Variants in PCDH15 observed in about 807,000 individuals in gnomAD.
PCDH15 encodes the protein protocadherin related 15, also known as protocadherin-15.
PCDH15 carries 129 observed loss-of-function variants against 178.5 expected under a neutral mutation model. The observed-to-expected ratio is 0.72, with a 90% CI of 0.63 to 0.84. PCDH15 has a LOEUF of 0.84. Among genes scored for constraint, PCDH15 ranks in the 40% least tolerant of loss-of-function variants. PCDH15 has a pLI of 0.00. For missense variants in PCDH15, 2,230 were observed against 2,099.9 expected, an observed-to-expected ratio of 1.06 and a Z score of -1.21; for synonymous variants, 800 against 732.0, an observed-to-expected ratio of 1.09 and a Z score of -1.50.
At chr10:54,336,604 G>A (rs568186265) in intron 6 of PCDH15, among the ~76,000 whole-genome samples, 2 of 152,344 alleles carry the variant, frequency 1.3e-5, no homozygotes, top group African/African-American at 4.8e-5. Flanking sequence ...GTCCGCAGAA[G>A]TCAAGAACTG....
intron 3 of PCDH15, among the ~76,000 whole-genome samples, chr10:54,837,173 A>C (rs996454712): frequency 1.2e-4 from 19 of 152,166 alleles, no homozygotes; most frequent in Non-Finnish European, 2.4e-4. Context: ...AAAGTTTTTC[A>C]AAGTTAGAAT....
At position 53,806,453 on chromosome 10, in the gene PCDH15, A is replaced by G; in HGVS notation, c.*126T>C. 1 of 807,648 alleles carries G rather than the reference A, an allele frequency of 1.2e-6. No homozygotes were observed. 50.0% of individuals were successfully genotyped at this position (807,648 alleles called of 1,614,324 possible). A position where few individuals can be genotyped will look rare whatever the true frequency, so the allele number is the denominator to read the frequency against. On this transcript the variant is annotated 3_prime_UTR_variant, in exon 38 of 38. Transcript: ENST00000644397. ...TCTGTCTCTTAAAATTTTAAAGCATATTGTTCAAAGTTTTAGCTTGTGTGC... is the reference window on the plus strand; with the variant it reads ...TCTGTCTCTTAAAATTTTAAAGCATGTTGTTCAAAGTTTTAGCTTGTGTGC...
intron 11 of PCDH15, among the ~76,000 whole-genome samples, chr10:54,191,338 C>T (rs923528547): frequency 2.0e-5 from 3 of 152,072 alleles, no homozygotes; most frequent in African/African-American, 4.8e-5. Context: ...GAAAGATTCT[C>T]GAATGAAGGA....
intron 1 of PCDH15, among the ~76,000 whole-genome samples, chr10:54,761,913 T>C (rs1170349082): frequency 1.3e-5 from 2 of 152,096 alleles, no homozygotes; most frequent in African/African-American, 2.4e-5. Context: ...GGAATAGATA[T>C]TAGTAAAAGT....
intron 25 of PCDH15, among the ~76,000 whole-genome samples, chr10:53,919,008 C>G (rs1002061836): frequency 1.3e-5 from 2 of 152,084 alleles, no homozygotes; most frequent in Admixed American, 6.5e-5. Flanking sequence ...TTTCATCAGT[C>G]GAATCTAGCA....
At chr10:53,880,611 A>G (rs370884667) in intron 26 of PCDH15, among the ~76,000 whole-genome samples, 1 of 148,418 alleles carries the variant, frequency 6.7e-6, no homozygotes, top group African/African-American at 2.5e-5. Context: ...TTTTAAAAAA[A>G]CCTTTCTTAT....
chr10:55,455,363 A>G (rs1378731609), intron 2 of PCDH15, among the ~76,000 whole-genome samples: 3 of 152,184 alleles, frequency 2.0e-5, no homozygotes, highest in African/African-American at 7.2e-5. Context: ...TGTTCACACT[A>G]TATTTATCCT....
chr10:54,263,846 G>A (rs1029084299), intron 8 of PCDH15, among the ~76,000 whole-genome samples: 1 of 152,178 alleles, frequency 6.6e-6, no homozygotes, highest in Non-Finnish European at 1.5e-5. Context: ...TAACATTTGA[G>A]TCTGGACTAG....
intron 15 of PCDH15, among the ~76,000 whole-genome samples, chr10:54,114,029 C>T (rs948168322): frequency 6.6e-6 from 1 of 152,056 alleles, no homozygotes; most frequent in African/African-American, 2.4e-5. Flanking sequence ...AAAATCTCGC[C>T]CACATGATTC....
intron 3 of PCDH15, among the ~76,000 whole-genome samples, chr10:54,414,866 A>T (rs895660948): frequency 3.9e-5 from 6 of 152,082 alleles, no homozygotes; most frequent in Admixed American, 3.9e-4. Context: ...AAAAAGAATT[A>T]AAATCATACT....
chr10:55,341,728 C>T lies in PCDH15; in HGVS notation c.-155-175077G>A, dbSNP rs1320916035. Among the ~76,000 whole-genome samples the T allele has an allele frequency of 2.8e-5, 4 of 140,666 alleles. No homozygotes were observed. The East Asian group carries it at 6.4e-4, about 23-fold the overall frequency. 92.3% of individuals were successfully genotyped at this position (140,666 alleles called of 152,430 possible). A position where few individuals can be genotyped will look rare whatever the true frequency, so the allele number is the denominator to read the frequency against. ...GGGACTACAGGCATGCGCCACCACG[C>T]CCAGCTAATTTTTTTTGTATATACA... On this transcript the variant is annotated intron_variant, in intron 2 of 5. Transcript: ENST00000613346.
At chr10:54,296,559 C>T (rs1214623682) in intron 8 of PCDH15, among the ~76,000 whole-genome samples, 1 of 152,038 alleles carries the variant, frequency 6.6e-6, no homozygotes, top group African/African-American at 2.4e-5. Context: ...TCTAGTTTCT[C>T]GTATAAGAAT....
chr10:54,292,055 T>C (rs1197866416), intron 8 of PCDH15, among the ~76,000 whole-genome samples: 1 of 152,090 alleles, frequency 6.6e-6, no homozygotes, highest in African/African-American at 2.4e-5. Flanking sequence ...TGATGAACAT[T>C]GATGCAAAAA....
At chr10:55,436,886 C>T (rs898480177) in intron 2 of PCDH15, among the ~76,000 whole-genome samples, 1 of 152,090 alleles carries the variant, frequency 6.6e-6, no homozygotes, top group Non-Finnish European at 1.5e-5. Context: ...AATTTTGCCA[C>T]CATTACAACA....
Position 54,568,485 on chromosome 10 carries a change from A to G in PCDH15, c.92-40608T>C, listed in dbSNP as rs532379769. On this transcript the variant is annotated intron_variant, in intron 2 of 37. Transcript: ENST00000644397. ...CTGTAAAATATAGTCTTCAACAAAT[A>G]GTATGCTTTGTTTCTATTTTATTGT... 2.6e-5 allele frequency: 4 copies of G among 152,216 alleles called. No homozygotes were observed. In the East Asian group the frequency reaches 7.8e-4, roughly 29 times the overall value. The allele number at this position is 152,216 out of a possible 1,614,324, so 9.4% of individuals were successfully genotyped here.
intron 1 of PCDH15, among the ~76,000 whole-genome samples, chr10:54,724,923 TATAGA>T (rs1942257580): frequency 6.9e-6 from 1 of 144,232 alleles, no homozygotes; most frequent in Non-Finnish European, 1.6e-5. Context: ...TAGATATAGA[TATAGA>T]TATATAAATA....
Position 54,779,430 on chromosome 10 carries a change from ATATGTGTATATATATATACACT to A in PCDH15, c.-29+21473_-29+21494del, listed in dbSNP as rs1325287315. Among the ~76,000 whole-genome samples the A allele has an allele frequency of 1.8e-3, 186 of 100,658 alleles. 3 individuals carry two copies. Among genetic ancestry groups the A allele is most frequent in the Non-Finnish European group, 3.1e-3 (157 of 50,956 alleles). 66.0% of individuals were successfully genotyped at this position (100,658 alleles called of 152,430 possible). A position where few individuals can be genotyped will look rare whatever the true frequency, so the allele number is the denominator to read the frequency against. On this transcript the variant is annotated intron_variant, in intron 1 of 37. Transcript: ENST00000644397. ...TGTATATATATATATATACACACAC[ATATGTGTATATATATATACACT>A]CATATATGTGTGTATATATATACAC...
At chr10:54,395,696 A>G (rs1815620764) in intron 3 of PCDH15, among the ~76,000 whole-genome samples, 1 of 152,014 alleles carries the variant, frequency 6.6e-6, no homozygotes, top group Non-Finnish European at 1.5e-5. Context: ...ACACAAAGGT[A>G]GTTATACACA....
At chr10:53,854,245 C>T (rs1362330481) in intron 28 of PCDH15, among the ~76,000 whole-genome samples, 4 of 151,828 alleles carry the variant, frequency 2.6e-5, no homozygotes, top group African/African-American at 9.7e-5. Flanking sequence ...AAGGTTGTTA[C>T]CCAGAGTCTA....
Sources: gnomAD v4.1 joint callset for allele counts (sites outside exome capture counted in the v4.1 genomes callset) on GRCh38, gnomAD v4.1.1 for gene constraint, MANE v1.5 for transcripts, NCBI Gene and HGNC (gene_info 2026-07-23, HGNC 2026-07-21) for gene names.